Variants in VPS13A observed in about 807,000 individuals in gnomAD.
The protein encoded by VPS13A is vacuolar protein sorting 13 homolog A.
In VPS13A, 264 loss-of-function variants were observed where a neutral mutation model predicts 390.9. The ratio of observed to expected loss-of-function variants is 0.68; its 90% CI spans 0.61 to 0.75. VPS13A has a LOEUF of 0.75. Ranked by LOEUF, VPS13A falls within the 30% of genes least tolerant of loss-of-function variation. The pLI, the probability that VPS13A is intolerant of heterozygous loss-of-function variation, is 0.00. For missense variants in VPS13A, 3,409 were observed against 3,733.9 expected, an observed-to-expected ratio of 0.91 and a Z score of 2.27; for synonymous variants, 1,231 against 1,227.1, an observed-to-expected ratio of 1.00 and a Z score of -0.07.
intron 33 of VPS13A, among the ~76,000 whole-genome samples, chr9:77,296,482 T>G (rs1828011072): frequency 6.6e-6 from 1 of 152,214 alleles, no homozygotes; most frequent in Admixed American, 6.5e-5. Context: ...GTCATTTTTC[T>G]TTGATATAAT....
At chr9:77,290,544 TTCC>T (rs1015744976) in intron 31 of VPS13A, among the ~76,000 whole-genome samples, 1 of 152,012 alleles carries the variant, frequency 6.6e-6, no homozygotes, top group Admixed American at 6.6e-5. Flanking sequence ...TTTTTCCCTG[TTCC>T]TCTTCTTGAA....
At chr9:77,193,324 A>T (rs1778509825) in intron 1 of VPS13A, among the ~76,000 whole-genome samples, 1 of 151,920 alleles carries the variant, frequency 6.6e-6, no homozygotes, top group Admixed American at 6.5e-5. Context: ...TATGCCCATC[A>T]TTTCAGTGTG....
Position 77,384,317 on chromosome 9 carries a change from A to G in VPS13A, c.9189+2230A>G, listed in dbSNP as rs181232755. On this transcript the variant is annotated intron_variant, in intron 68 of 71. Transcript: ENST00000360280. ...GGTCAAAGTTGCCTATTAGAGAAAT[A>G]GAATGGTAATTTTAATATATTCACA... 1.4e-4 allele frequency among the ~76,000 whole-genome samples: 22 copies of G among 152,020 alleles called. No homozygotes were observed. The East Asian group carries it at 3.3e-3, about 23-fold the overall frequency.
At chr9:77,343,390 C>CA (rs1262309915) in intron 50 of VPS13A, among the ~76,000 whole-genome samples, 4 of 152,162 alleles carry the variant, frequency 2.6e-5, no homozygotes, top group Non-Finnish European at 5.9e-5. Flanking sequence ...ACATTGTCCT[C>CA]AAGTCATGTG....
At chr9:77,303,307 T>C (rs1828489355) in intron 34 of VPS13A, among the ~76,000 whole-genome samples, 1 of 152,160 alleles carries the variant, frequency 6.6e-6, no homozygotes, top group Admixed American at 6.5e-5. Context: ...AACTTGCCAG[T>C]CTAATGCAGG....
Position 77,340,426 on chromosome 9 carries a change from G to A in VPS13A, c.6902G>A (p.Ser2301Asn). The A allele has an allele frequency of 3.7e-6, 6 of 1,613,270 alleles. No homozygotes were observed. The Middle Eastern group carries it at 5.0e-4, about 134-fold the overall frequency. Residue 2301 changes from serine to asparagine, a missense_variant, in exon 50 of 72, where the codon AGC becomes AAC. Around this residue, in one of 5 missense-constraint regions of VPS13A, gnomAD observed 2,717 missense variants for 2,917.4 expected, o/e 0.93. Coordinates refer to ENST00000360280, the MANE Select transcript of VPS13A (RefSeq NM_033305.3). The part of the protein sequence containing the change: ...DYQVGVTIDL[S>N]SFNITRIVTF... Reference sequence around the variant, plus strand: ...TAGGTTGGTGTCACTATAGACCTGAGCAGTTTTAACATTACTAGAATTGTG... The same window carrying A: ...TAGGTTGGTGTCACTATAGACCTGAACAGTTTTAACATTACTAGAATTGTG...
chr9:77,288,303 T>TTAAG (rs1353566790), intron 31 of VPS13A, among the ~76,000 whole-genome samples: 3 of 152,214 alleles, frequency 2.0e-5, no homozygotes, highest in African/African-American at 7.2e-5. Context: ...TTATGCTCTT[T>TTAAG]TAAGATTCCT....
chr9:77,243,113 C>T (rs1406001753), intron 19 of VPS13A, among the ~76,000 whole-genome samples: 6 of 151,884 alleles, frequency 4.0e-5, no homozygotes, highest in Non-Finnish European at 8.8e-5. Context: ...CTTTCCTTCC[C>T]TCATATTCCT....
Position 77,419,730 on chromosome 9 carries a change from A to T in VPS13A, c.*3724A>T, listed in dbSNP as rs1835287363. The T allele has an allele frequency of 1.3e-5, 2 of 152,182 alleles. No homozygotes were observed. The highest frequency in any genetic ancestry group is 2.9e-5 in the Non-Finnish European group (2 of 68,030). 9.4% of individuals were successfully genotyped at this position (152,182 alleles called of 1,614,324 possible). A position where few individuals can be genotyped will look rare whatever the true frequency, so the allele number is the denominator to read the frequency against. On this transcript the variant is annotated 3_prime_UTR_variant, in exon 72 of 72. Transcript: ENST00000360280. ...CTTTTGTTTACCTAGATGTATTTTA[A>T]CCTCTTTACCACTAAGCATTTTACT... is the stretch of plus-strand genomic sequence containing the variant.
chr9:77,372,860 A>G lies in VPS13A; in HGVS notation c.9077+1711A>G, dbSNP rs1282941492. ...CCAACAACAGACAAACAGAGAGCCA[A>G]ATCATAAGTGAACTCCCATTCACAA... On this transcript the variant is annotated intron_variant, in intron 67 of 71. Coordinates refer to ENST00000360280, the MANE Select transcript of VPS13A (RefSeq NM_033305.3). 9.9e-5 allele frequency among the ~76,000 whole-genome samples: 15 copies of G among 152,278 alleles called. No homozygotes were observed. In the East Asian group the frequency reaches 2.9e-3, roughly 29 times the overall value.
In VPS13A at chr9:77,368,099, A is replaced by AGT; in HGVS notation, c.8516_8517insGT (p.Asp2839GlufsTer8). 6.2e-7 allele frequency: 1 copy of AGT among 1,612,662 alleles called. No individual in the cohort carries two copies. Among genetic ancestry groups the AGT allele is most frequent in the Non-Finnish European group, 8.5e-7 (1 of 1,179,564 alleles). ...AACTATCAGTTCCATACAACATCCG[A>AGT]TCTACAGTCTGAAGTCATAAGACAC... is the stretch of plus-strand genomic sequence containing the variant. On this transcript the variant is annotated frameshift_variant, in exon 62 of 72. Transcript: ENST00000360280. LOFTEE classifies it high-confidence loss of function.
chr9:77,295,178 A>G (rs1220514280), intron 32 of VPS13A, among the ~76,000 whole-genome samples: 1 of 151,948 alleles, frequency 6.6e-6, no homozygotes, highest in Non-Finnish European at 1.5e-5. Context: ...AACATATTTT[A>G]TTTATTTATT....
chr9:77,214,146 C>A (rs1322173148), intron 9 of VPS13A, among the ~76,000 whole-genome samples, 183 bp from the exon 10 acceptor site: 4 of 151,936 alleles, frequency 2.6e-5, no homozygotes, highest in Non-Finnish European at 4.4e-5. Flanking sequence ...CACGGTGGGG[C>A]ACGTCTGTAA....
chr9:77,365,703 A>G, intron 60 of VPS13A, 130 bp downstream of exon 60: 1 of 587,038 alleles, frequency 1.7e-6, no homozygotes, highest in Admixed American at 3.3e-5. Flanking sequence ...CAAAGGAATT[A>G]CCCTTTTACA....
At chr9:77,376,822 G>C (rs1357361441) in intron 67 of VPS13A, among the ~76,000 whole-genome samples, 1 of 152,288 alleles carries the variant, frequency 6.6e-6, no homozygotes, top group South Asian at 2.1e-4. Flanking sequence ...AGATCACCAA[G>C]GGAATGAGAC....
intron 68 of VPS13A, chr9:77,383,063 G>A: frequency 1.0e-6 from 1 of 975,690 alleles, no homozygotes; most frequent in Non-Finnish European, 1.2e-6. Context: ...ATAAACTGTT[G>A]GAATATGAAG....
chr9:77,268,770 T>C (rs113083322), intron 23 of VPS13A, among the ~76,000 whole-genome samples: 6 of 151,962 alleles, frequency 3.9e-5, no homozygotes, highest in African/African-American at 1.5e-4. Flanking sequence ...TGGAACCCCG[T>C]CTGTACTAAA....
chr9:77,368,198 C>A, intron 62 of VPS13A, 62 bp downstream of exon 62: 1 of 1,317,378 alleles, frequency 7.6e-7, no homozygotes, highest in Non-Finnish European at 1.1e-6. Flanking sequence ...CCTTTTGTGT[C>A]TATACATATA....
chr9:77,367,034 G>T (rs901122939), intron 61 of VPS13A, among the ~76,000 whole-genome samples, 162 bp downstream of exon 61: 2 of 152,138 alleles, frequency 1.3e-5, no homozygotes, highest in Non-Finnish European at 2.9e-5. Flanking sequence ...ACCAACGTAT[G>T]ATTTGCTAAC....
Sources: gnomAD v4.1 joint callset for allele counts (sites outside exome capture counted in the v4.1 genomes callset) on GRCh38, gnomAD v4.1.1 for gene constraint, gnomAD v4.1.1 regional missense constraint, MANE v1.5 for transcripts, NCBI Gene and HGNC (gene_info 2026-07-23, HGNC 2026-07-21) for gene names.